OLA1: variants seen among roughly 807,000 people sequenced by gnomAD.
OLA1 encodes obg-like ATPase 1.
OLA1 carries 14 observed loss-of-function variants against 48.4 expected under a neutral mutation model. The observed-to-expected ratio is 0.29, with a 90% CI of 0.19 to 0.45. The LOEUF (loss-of-function observed/expected upper bound fraction) is 0.45, where lower values mean the gene tolerates loss of function less well. Among genes scored for constraint, OLA1 ranks in the 20% least tolerant of loss-of-function variants. The pLI is 1.00. For missense variants in OLA1, 325 were observed against 467.1 expected, an observed-to-expected ratio of 0.70 and a Z score of 2.80; for synonymous variants, 127 against 150.4, an observed-to-expected ratio of 0.84 and a Z score of 1.14.
chr2:174,098,759 T>C (rs1259490078), intron 7 of OLA1, among the ~76,000 whole-genome samples: 1 of 152,180 alleles, frequency 6.6e-6, no homozygotes, highest in Non-Finnish European at 1.5e-5. Context: ...AGAAAATGCT[T>C]AGCATGGTAT....
intron 4 of OLA1, among the ~76,000 whole-genome samples, chr2:174,162,098 A>G (rs1462145854): frequency 6.6e-6 from 1 of 152,196 alleles, no homozygotes; most frequent in Non-Finnish European, 1.5e-5. Flanking sequence ...GAGGATATGG[A>G]CCTTAAAGGA....
chr2:174,240,155 A>T (rs1258476433), intron 2 of OLA1: 1 of 152,134 alleles, frequency 6.6e-6, no homozygotes, highest in Non-Finnish European at 1.5e-5. Flanking sequence ...GGGTCTTACT[A>T]TATTGTCCAG....
intron 7 of OLA1, among the ~76,000 whole-genome samples, chr2:174,088,616 A>C (rs1346790774): frequency 6.6e-6 from 1 of 152,140 alleles, no homozygotes; most frequent in African/African-American, 2.4e-5. Context: ...TTCTGAATGG[A>C]GGTTATTAAG....
chr2:174,172,376 C>A, intron 4 of OLA1: 1 of 153,528 alleles, frequency 6.5e-6, no homozygotes. Flanking sequence ...AGGCCCAACA[C>A]GCAGGGCCTA....
intron 7 of OLA1, among the ~76,000 whole-genome samples, chr2:174,108,306 T>G (rs913381983): frequency 1.3e-5 from 2 of 152,138 alleles, no homozygotes; most frequent in Admixed American, 6.5e-5. Flanking sequence ...GCAAGCAATA[T>G]TTTCCAACAG....
chr2:174,223,305 C>T (rs569807084), intron 3 of OLA1, 145 bp from the exon 4 acceptor site: 1 of 731,568 alleles, frequency 1.4e-6, no homozygotes, highest in African/African-American at 1.8e-5. Flanking sequence ...ATCCACCCCT[C>T]CCCCCAAAAA....
At chr2:174,089,433 G>T (rs144904575) in intron 7 of OLA1, among the ~76,000 whole-genome samples, 116 of 152,280 alleles carry the variant, frequency 7.6e-4, no homozygotes, top group East Asian at 2.3e-3. Context: ...TGCTGATAGT[G>T]GAGAACAGTA....
intron 4 of OLA1, among the ~76,000 whole-genome samples, chr2:174,149,776 G>C (rs545869355): frequency 1.3e-5 from 2 of 152,252 alleles, no homozygotes; most frequent in East Asian, 3.9e-4. Flanking sequence ...TAATCAGTTT[G>C]CTCATTCACT....
chr2:174,165,324 G>A (rs1027187982), intron 4 of OLA1, among the ~76,000 whole-genome samples: 3 of 152,142 alleles, frequency 2.0e-5, no homozygotes, highest in Non-Finnish European at 2.9e-5. Flanking sequence ...TATGTTTAAG[G>A]AAAATACATC....
Position 174,096,634 on chromosome 2 carries a change from G to T in OLA1, c.729-14570C>A, listed in dbSNP as rs530736108. 1.6e-4 allele frequency among the ~76,000 whole-genome samples: 25 copies of T among 152,074 alleles called. 1 individual carries two copies. In the South Asian group the frequency reaches 5.2e-3, roughly 32 times the overall value. Reference sequence around the variant, plus strand: ...ATTACATACTAGCTATAAGATCCTGGGGAAGCCATTTAAGCCTCCCCAGCC... The same window carrying T: ...ATTACATACTAGCTATAAGATCCTGTGGAAGCCATTTAAGCCTCCCCAGCC... On this transcript the variant is annotated intron_variant, in intron 7 of 10. Coordinates refer to ENST00000284719, the MANE Select transcript of OLA1 (RefSeq NM_013341.5).
Position 174,075,252 on chromosome 2 carries a change from A to G in OLA1, c.*174T>C. 2.4e-6 allele frequency: 1 copy of G among 416,646 alleles called. No homozygotes were observed. The highest frequency in any genetic ancestry group is 2.4e-5 in the South Asian group (1 of 41,884). The allele number at this position is 416,646 out of a possible 1,614,324, so 25.8% of individuals were successfully genotyped here. On this transcript the variant is annotated 3_prime_UTR_variant, in exon 11 of 11. Coordinates refer to ENST00000284719, the MANE Select transcript of OLA1 (RefSeq NM_013341.5). ...TTCACATTTAGTGAACCTGCATTTC[A>G]TGGGGGGGGGGGGGTACACAGTATT...
At chr2:174,086,501 A>C (rs1684982055) in intron 7 of OLA1, among the ~76,000 whole-genome samples, 1 of 152,208 alleles carries the variant, frequency 6.6e-6, no homozygotes, top group Admixed American at 6.5e-5. Flanking sequence ...CTGAAGCTGA[A>C]AACTTTCCAC....
chr2:174,116,623 T>C (rs76540327), intron 7 of OLA1, among the ~76,000 whole-genome samples: 21,004 of 152,186 alleles, frequency 0.14, 1,822 homozygotes, highest in Non-Finnish European at 0.2. Flanking sequence ...AAGTTGCTCT[T>C]AAATTGGGCT....
chr2:174,099,121 G>A (rs767644925), intron 7 of OLA1, among the ~76,000 whole-genome samples: 1 of 152,018 alleles, frequency 6.6e-6, no homozygotes, highest in Non-Finnish European at 1.5e-5. Context: ...AGGTAAACCA[G>A]TAGAAAGCGT....
At chr2:174,241,224 C>G (rs1157585848) in intron 2 of OLA1, among the ~76,000 whole-genome samples, 1 of 152,168 alleles carries the variant, frequency 6.6e-6, no homozygotes, top group Non-Finnish European at 1.5e-5. Flanking sequence ...TCTCAACTAG[C>G]CACCAGCTGA....
At chr2:174,198,085 C>A (rs1437777502) in intron 4 of OLA1, among the ~76,000 whole-genome samples, 1 of 152,052 alleles carries the variant, frequency 6.6e-6, no homozygotes, top group Admixed American at 6.6e-5. Context: ...TGCCTCAGCA[C>A]CCCCTAGTAG....
chr2:174,189,171 G>A (rs958006034), intron 4 of OLA1, among the ~76,000 whole-genome samples: 1 of 151,936 alleles, frequency 6.6e-6, no homozygotes, highest in East Asian at 1.9e-4. Flanking sequence ...GTAGGATCTA[G>A]GTCTCAGTGC....
chr2:174,179,757 C>A (rs1021583622), intron 4 of OLA1, among the ~76,000 whole-genome samples: 6 of 152,036 alleles, frequency 3.9e-5, no homozygotes, highest in Non-Finnish European at 7.4e-5. Context: ...GGTTTTACAT[C>A]TGACACTGTA....
intron 4 of OLA1, among the ~76,000 whole-genome samples, chr2:174,201,509 C>T (rs770467436): frequency 1.6e-4 from 24 of 152,070 alleles, no homozygotes; most frequent in Non-Finnish European, 3.4e-4. Context: ...CCACCATGCC[C>T]GGCTGATTTT....
Sources: gnomAD v4.1 joint callset for allele counts (sites outside exome capture counted in the v4.1 genomes callset) on GRCh38, gnomAD v4.1.1 for gene constraint, MANE v1.5 for transcripts, NCBI Gene and HGNC (gene_info 2026-07-23, HGNC 2026-07-21) for gene names.